The following SNTG1 variants were observed in gnomAD, a reference collection of about 807,000 sequenced individuals.
SNTG1 encodes gamma-1-syntrophin.
SNTG1 carries 39 observed loss-of-function variants against 74.7 expected under a neutral mutation model. That is an observed-to-expected ratio of 0.52 (90% CI 0.40 to 0.68). The LOEUF (loss-of-function observed/expected upper bound fraction) is 0.68, where lower values mean the gene tolerates loss of function less well. Ranked by LOEUF, SNTG1 falls within the 30% of genes least tolerant of loss-of-function variation. The pLI is 0.00. For synonymous variants in SNTG1, 254 were observed against 217.1 expected, an observed-to-expected ratio of 1.17 and a Z score of -1.49; for missense variants, 685 against 609.5, an observed-to-expected ratio of 1.12 and a Z score of -1.30.
intron 4 of SNTG1, among the ~76,000 whole-genome samples, chr8:50,421,160 C>A (rs1049709515): frequency 8.6e-5 from 13 of 151,240 alleles, no homozygotes; most frequent in African/African-American, 2.9e-4. Context: ...CCAATCCATA[C>A]CCCAAGAGAG....
chr8:50,742,735 C>A (rs562399257), intron 17 of SNTG1, among the ~76,000 whole-genome samples: 6 of 151,018 alleles, frequency 4.0e-5, no homozygotes, highest in Non-Finnish European at 8.9e-5. Context: ...GAAAAATCAA[C>A]AAAATTAAAG....
intron 2 of SNTG1, among the ~76,000 whole-genome samples, chr8:50,249,343 C>G (rs1387011620): frequency 6.6e-6 from 1 of 152,218 alleles, no homozygotes; most frequent in Non-Finnish European, 1.5e-5. Context: ...AGCAGCAAAA[C>G]TGCATGCACC....
chr8:50,515,162 T>C (rs2094120329), intron 9 of SNTG1, among the ~76,000 whole-genome samples: 1 of 152,146 alleles, frequency 6.6e-6, no homozygotes, highest in Non-Finnish European at 1.5e-5. Context: ...CTTGGAGATA[T>C]TGCCGGTTTA....
chr8:50,210,486 G>A (rs1024108882), intron 2 of SNTG1, among the ~76,000 whole-genome samples: 1 of 152,244 alleles, frequency 6.6e-6, no homozygotes, highest in East Asian at 1.9e-4. Context: ...GAGAAAGGTA[G>A]GGTTACCCAC....
intron 9 of SNTG1, among the ~76,000 whole-genome samples, chr8:50,522,461 T>A (rs1003963519): frequency 2.0e-5 from 3 of 152,122 alleles, no homozygotes; most frequent in African/African-American, 7.2e-5. Context: ...TTAAGGGACC[T>A]ATCCTTGCCC....
At chr8:50,307,457 C>CA (rs1016328606) in intron 2 of SNTG1, among the ~76,000 whole-genome samples, 22 of 151,724 alleles carry the variant, frequency 1.5e-4, no homozygotes, top group African/African-American at 5.1e-4. Context: ...TTTTTTATTT[C>CA]AAAAAAATTT....
chr8:50,755,583 G>T (rs2095578317), intron 18 of SNTG1, among the ~76,000 whole-genome samples: 1 of 151,984 alleles, frequency 6.6e-6, no homozygotes, highest in South Asian at 2.1e-4. Context: ...TTCAGGTTTT[G>T]AGTGGACATA....
chr8:50,751,183 A>G (rs564676065), intron 17 of SNTG1, among the ~76,000 whole-genome samples: 39 of 152,036 alleles, frequency 2.6e-4, no homozygotes, highest in Non-Finnish European at 5.3e-4. Context: ...GGTAAAACAA[A>G]CTACATGGTG....
chr8:50,084,994 AC>A (rs71550211), intron 1 of SNTG1, among the ~76,000 whole-genome samples: 93,554 of 151,206 alleles, frequency 0.62, 29,200 homozygotes, highest in East Asian at 0.84. Context: ...CAGACAAGAA[AC>A]AAAAACAACA....
At chr8:50,201,666 T>TTATG (rs546783988) in intron 2 of SNTG1, among the ~76,000 whole-genome samples, 229 of 152,276 alleles carry the variant, frequency 1.5e-3, no homozygotes, top group African/African-American at 5.0e-3. Flanking sequence ...GAACTGGGTG[T>TTATG]TATGTGTCCT....
At chr8:49,951,984 G>C (rs403367) in intron 1 of SNTG1, among the ~76,000 whole-genome samples, 1 of 147,326 alleles carries the variant, frequency 6.8e-6, no homozygotes, top group African/African-American at 2.5e-5. Flanking sequence ...ATATCACCCA[G>C]AACTACTCTT....
At chr8:50,350,330 G>T (rs2091617540) in intron 2 of SNTG1, among the ~76,000 whole-genome samples, 1 of 152,198 alleles carries the variant, frequency 6.6e-6, no homozygotes, top group Admixed American at 6.5e-5. Context: ...CTGGCAGGCA[G>T]CTCCACCTGT....
chr8:50,759,445 C>T (rs2095591289), intron 18 of SNTG1, among the ~76,000 whole-genome samples: 1 of 151,842 alleles, frequency 6.6e-6, no homozygotes, highest in Non-Finnish European at 1.5e-5. Context: ...GGTTTTAGGT[C>T]TTTGTTTAAA....
At chr8:50,726,190 A>C (rs760658054) in intron 17 of SNTG1, among the ~76,000 whole-genome samples, 54 of 152,340 alleles carry the variant, frequency 3.5e-4, no homozygotes, top group Non-Finnish European at 6.3e-4. Context: ...GTGCACTGAA[A>C]GAGCTCATAA....
Position 49,913,940 on chromosome 8 carries a change from G to A in SNTG1, c.-103+1709G>A, listed in dbSNP as rs546001521. Among the ~76,000 whole-genome samples, 158 of 152,274 alleles carry A rather than the reference G, an allele frequency of 1.0e-3. 1 individual carries two copies. Among genetic ancestry groups the A allele is most frequent in the African/African-American group, 3.6e-3 (148 of 41,546 alleles). ...CAGAGGGGGCAGGCTTTCTCTATGTGTAACTGAAATCTCACAAAGTGAAAG... is the reference window on the plus strand; with the variant it reads ...CAGAGGGGGCAGGCTTTCTCTATGTATAACTGAAATCTCACAAAGTGAAAG... On this transcript the variant is annotated intron_variant, in intron 1 of 18. Transcript: ENST00000642720.
At chr8:49,913,714 A>C (rs1440313530) in intron 1 of SNTG1, among the ~76,000 whole-genome samples, 4 of 152,174 alleles carry the variant, frequency 2.6e-5, no homozygotes, top group Non-Finnish European at 5.9e-5. Flanking sequence ...CCTCAGTGGG[A>C]GAGGTATGGA....
chr8:50,600,046 T>A (rs2094761296), intron 13 of SNTG1, among the ~76,000 whole-genome samples: 1 of 152,190 alleles, frequency 6.6e-6, no homozygotes, highest in African/African-American at 2.4e-5. Flanking sequence ...TTTTACAGCA[T>A]CAATTGAAAT....
At chr8:50,053,915 G>C (rs1819802383) in intron 1 of SNTG1, among the ~76,000 whole-genome samples, 1 of 151,778 alleles carries the variant, frequency 6.6e-6, no homozygotes, top group Non-Finnish European at 1.5e-5. Flanking sequence ...CAAAACTATT[G>C]ATTGAGCTCC....
intron 1 of SNTG1, among the ~76,000 whole-genome samples, chr8:50,045,136 T>C (rs1256586135): frequency 6.6e-6 from 1 of 152,182 alleles, no homozygotes; most frequent in Non-Finnish European, 1.5e-5. Context: ...AAACGTGGGT[T>C]GACATCCGAG....
Sources: allele counts gnomAD v4.1 joint callset (sites outside exome capture counted in the v4.1 genomes callset), GRCh38; gene constraint gnomAD v4.1.1; transcripts MANE v1.5; gene names NCBI Gene and HGNC (gene_info 2026-07-23, HGNC 2026-07-21).